Variants in GRID2 observed in about 807,000 individuals in gnomAD.
GRID2 encodes glutamate receptor ionotropic, delta-2.
In GRID2, 33 loss-of-function variants were observed where a neutral mutation model predicts 114.8. The ratio of observed to expected loss-of-function variants is 0.29; its 90% CI spans 0.22 to 0.38. The LOEUF (loss-of-function observed/expected upper bound fraction) is 0.38, where lower values mean the gene tolerates loss of function less well. Ranked by LOEUF, GRID2 falls within the 10% of genes least tolerant of loss-of-function variation. GRID2 has a pLI of 1.00. For missense variants in GRID2, 1,184 were observed against 1,257.7 expected (o/e 0.94, Z 0.89); for synonymous variants, 505 against 449.9 (o/e 1.12, Z -1.55).
At chr4:92,719,970 T>C (rs1283470801) in intron 2 of GRID2, among the ~76,000 whole-genome samples, 1 of 152,132 alleles carries the variant, frequency 6.6e-6, no homozygotes, top group Non-Finnish European at 1.5e-5. Flanking sequence ...TTTTCCACCT[T>C]AGAATAATTT....
At chr4:92,747,194 AAGAC>A (rs1196537834) in intron 2 of GRID2, among the ~76,000 whole-genome samples, 2 of 152,062 alleles carry the variant, frequency 1.3e-5, no homozygotes, top group East Asian at 3.9e-4. Flanking sequence ...GCAAAACAAT[AAGAC>A]AGGTTACTTT....
chr4:93,195,918 C>T (rs1741443326), intron 4 of GRID2, among the ~76,000 whole-genome samples: 1 of 152,132 alleles, frequency 6.6e-6, no homozygotes, highest in Admixed American at 6.5e-5. Context: ...AATGTTCTTG[C>T]TTTATGTGAT....
intron 2 of GRID2, among the ~76,000 whole-genome samples, chr4:92,952,351 C>A (rs777197071): frequency 1.3e-5 from 2 of 152,090 alleles, no homozygotes; most frequent in Non-Finnish European, 2.9e-5. Context: ...CAATCGTAGA[C>A]GACCTTTATT....
chr4:92,750,309 G>T (rs1181456618), intron 2 of GRID2, among the ~76,000 whole-genome samples: 1 of 152,188 alleles, frequency 6.6e-6, no homozygotes, highest in South Asian at 2.1e-4. Context: ...AACAGGTCCT[G>T]CCATAGAGGG....
chr4:93,753,587 T>A (rs1431284100), intron 14 of GRID2, among the ~76,000 whole-genome samples: 1 of 152,066 alleles, frequency 6.6e-6, no homozygotes, highest in Non-Finnish European at 1.5e-5. Context: ...AGTGAGAACA[T>A]GCGGTGTTTG....
intron 8 of GRID2, among the ~76,000 whole-genome samples, chr4:93,366,350 T>C (rs1205033317): frequency 1.3e-5 from 2 of 152,074 alleles, no homozygotes; most frequent in South Asian, 2.1e-4. Flanking sequence ...TCATCTCTTA[T>C]GGTCGAGACT....
chr4:92,477,360 T>C (rs1225611858), intron 1 of GRID2, among the ~76,000 whole-genome samples: 1 of 152,096 alleles, frequency 6.6e-6, no homozygotes, highest in Admixed American at 6.6e-5. Flanking sequence ...TTAGACTAAA[T>C]GGACAGACAC....
intron 2 of GRID2, among the ~76,000 whole-genome samples, chr4:93,067,557 TTAA>T: frequency 6.6e-6 from 1 of 152,134 alleles, no homozygotes; most frequent in South Asian, 2.1e-4. Flanking sequence ...ACCCTACATC[TTAA>T]TATCATCACC....
chr4:93,437,307 T>C (rs992823130), intron 10 of GRID2, among the ~76,000 whole-genome samples: 5 of 152,098 alleles, frequency 3.3e-5, no homozygotes, highest in Admixed American at 6.6e-5. Flanking sequence ...CATAGCCAAG[T>C]TGTAGAGAAT....
chr4:93,434,039 G>A (rs1720833375), intron 10 of GRID2, among the ~76,000 whole-genome samples: 1 of 152,176 alleles, frequency 6.6e-6, no homozygotes, highest in Non-Finnish European at 1.5e-5. Context: ...ACCCATGTGA[G>A]CCTAAAAGAG....
At chr4:92,813,180 C>T (rs564027968) in intron 2 of GRID2, among the ~76,000 whole-genome samples, 27 of 152,078 alleles carry the variant, frequency 1.8e-4, no homozygotes, top group Non-Finnish European at 2.9e-4. Flanking sequence ...CCTGGTCACC[C>T]ACTGTTTTGG....
At chr4:93,601,957 T>A (rs1167057763) in intron 13 of GRID2, among the ~76,000 whole-genome samples, 2 of 152,188 alleles carry the variant, frequency 1.3e-5, no homozygotes, top group Non-Finnish European at 2.9e-5. Flanking sequence ...TTTAATGACC[T>A]TGTGTAATGT....
chr4:93,229,776 T>G (rs1369511545), intron 7 of GRID2, among the ~76,000 whole-genome samples: 1 of 152,122 alleles, frequency 6.6e-6, no homozygotes. Flanking sequence ...ATTGACATAG[T>G]AGTATAAATG....
At chr4:92,734,905 A>G (rs1015367065) in intron 2 of GRID2, among the ~76,000 whole-genome samples, 7 of 151,622 alleles carry the variant, frequency 4.6e-5, no homozygotes, top group South Asian at 2.1e-4. Flanking sequence ...TCAGCCTCCA[A>G]GTAGCTGGGA....
chr4:92,478,735 T>C (rs1722438631), intron 1 of GRID2, among the ~76,000 whole-genome samples: 1 of 152,162 alleles, frequency 6.6e-6, no homozygotes, highest in Non-Finnish European at 1.5e-5. Context: ...ACTTCTTTTT[T>C]TCCCTTTATG....
chr4:92,933,519 G>T (rs530113950), intron 2 of GRID2, among the ~76,000 whole-genome samples: 4 of 151,532 alleles, frequency 2.6e-5, no homozygotes, highest in East Asian at 1.9e-4. Context: ...ATTCAGTCTT[G>T]TGGTCAAGAA....
chr4:93,250,900 T>C (rs371028121), intron 8 of GRID2, among the ~76,000 whole-genome samples: 10 of 151,778 alleles, frequency 6.6e-5, no homozygotes, highest in African/African-American at 2.4e-4. Flanking sequence ...TGGTTGTGAG[T>C]GGATAGTCTG....
chr4:93,747,418 C>T (rs1560969439), intron 14 of GRID2, among the ~76,000 whole-genome samples: 1 of 152,144 alleles, frequency 6.6e-6, no homozygotes, highest in Non-Finnish European at 1.5e-5. Flanking sequence ...CTAACAAATG[C>T]CAGTGTTCCC....
chr4:93,518,692 G>A (rs1346240713), intron 13 of GRID2, among the ~76,000 whole-genome samples: 1 of 152,080 alleles, frequency 6.6e-6, no homozygotes, highest in East Asian at 1.9e-4. Context: ...AAGGTAATCT[G>A]CTTTATTAAA....
Sources: gnomAD v4.1 joint callset for allele counts (sites outside exome capture counted in the v4.1 genomes callset) on GRCh38, gnomAD v4.1.1 for gene constraint, MANE v1.5 for transcripts, NCBI Gene and HGNC (gene_info 2026-07-23, HGNC 2026-07-21) for gene names.